The following SNX14 variants were observed in gnomAD, a reference collection of about 807,000 sequenced individuals.
The protein encoded by SNX14 is sorting nexin 14, also known as sorting nexin-14.
Under a neutral mutation model 133.8 loss-of-function variants are expected in SNX14, and 93 were observed. That is an observed-to-expected ratio of 0.70 (90% confidence interval 0.59 to 0.83). The LOEUF is 0.83. Among genes scored for constraint, SNX14 ranks in the 40% least tolerant of loss-of-function variants. The pLI is 0.00. For synonymous variants in SNX14, 368 were observed against 365.6 expected, an observed-to-expected ratio of 1.01 and a Z score of -0.07; for missense variants, 945 against 1,094.9, an observed-to-expected ratio of 0.86 and a Z score of 1.93.
chr6:85,582,781 T>G (rs972546560), intron 1 of SNX14, among the ~76,000 whole-genome samples: 1 of 152,160 alleles, frequency 6.6e-6, no homozygotes, highest in African/African-American at 2.4e-5. Flanking sequence ...CAGTAATTAA[T>G]AGCCTACCAA....
chr6:85,513,408 A>T (rs1027007142), intron 26 of SNX14, among the ~76,000 whole-genome samples: 3 of 152,324 alleles, frequency 2.0e-5, no homozygotes, highest in African/African-American at 7.2e-5. Context: ...CATTTTGCAT[A>T]GTGCCTGGAA....
In SNX14 at chr6:85,514,183, G is replaced by A. The variant is rs1241085782; in HGVS notation, c.2444C>T (p.Thr815Ile). Residue 815 changes from threonine to isoleucine, a missense_variant, in exon 25 of 29, where the codon ACT becomes ATT. Thr to Ile is a moderately conservative substitution (Grantham distance 89). Around this residue, in one of 3 missense-constraint regions of SNX14, gnomAD observed 412 missense variants for 516.6 expected, o/e 0.80. Coordinates refer to ENST00000314673, the MANE Select transcript of SNX14 (RefSeq NM_153816.6). ...PDWLHHLLMG[T>I]RILFKNTLEM... is the part of the protein sequence containing the mutation. ...CAGGGTGTTTTTAAAGAGGATTCGA[G>A]TTCCCATTAAGAGATGATGAAGCCA... 3.1e-6 allele frequency: 5 copies of A among 1,613,984 alleles called. No individual in the cohort carries two copies. The highest frequency in any genetic ancestry group is 1.1e-5 in the South Asian group (1 of 91,058).
intron 8 of SNX14, 86 bp from the exon 9 acceptor site, chr6:85,548,462 T>A (rs527353821): frequency 3.8e-6 from 4 of 1,041,390 alleles, no homozygotes; most frequent in African/African-American, 3.3e-5. Flanking sequence ...TACGTAAGGA[T>A]CTTGTTAAAA....
intron 6 of SNX14, among the ~76,000 whole-genome samples, chr6:85,562,350 G>T (rs1791920593): frequency 6.6e-6 from 1 of 152,006 alleles, no homozygotes; most frequent in Admixed American, 6.6e-5. Flanking sequence ...CAACTCATTT[G>T]CATTCCCACC....
In SNX14 at chr6:85,530,644, CAAAAAAA is replaced by C. The variant is rs761608276; in HGVS notation, c.1811-376_1811-370del. On this transcript the variant is annotated intron_variant, in intron 18 of 28. Transcript: ENST00000314673. ...TGGGCAACAGAGCGAGACTCTGTCT[CAAAAAAA>C]AAAAAAAAGAAAGAAAAAGAAAAAA... 9.7e-5 allele frequency among the ~76,000 whole-genome samples: 7 copies of C among 72,290 alleles called. No individual in the cohort carries two copies. The Admixed American group carries it at 1.1e-3, about 12-fold the overall frequency. The allele number at this position is 72,290 out of a possible 152,430, so 47.4% of individuals were successfully genotyped here.
intron 1 of SNX14, among the ~76,000 whole-genome samples, chr6:85,592,814 C>G (rs1803248468): frequency 6.8e-6 from 1 of 146,140 alleles, no homozygotes; most frequent in Non-Finnish European, 1.5e-5. Flanking sequence ...ACGGTGAAAC[C>G]CCGTCTCTAC....
At chr6:85,540,996 C>G (rs1456331606) in intron 15 of SNX14, among the ~76,000 whole-genome samples, 1 of 138,104 alleles carries the variant, frequency 7.2e-6, no homozygotes, top group African/African-American at 2.6e-5. Context: ...AGTTTCTTAA[C>G]TTTTTTTTTT....
chr6:85,570,513 C>T (rs917924428), intron 4 of SNX14, among the ~76,000 whole-genome samples: 9 of 152,028 alleles, frequency 5.9e-5, no homozygotes, highest in Non-Finnish European at 2.9e-5. Context: ...TTTTATTTAA[C>T]CCAACACATC....
intron 26 of SNX14, 65 bp from the exon 27 acceptor site, chr6:85,508,124 A>G: frequency 6.5e-7 from 1 of 1,532,988 alleles, no homozygotes; most frequent in Non-Finnish European, 8.8e-7. Context: ...TAACTGGATC[A>G]TAAAGCAAAA....
chr6:85,528,376 A>C lies in SNX14; in HGVS notation c.1895-14T>G. On this transcript the variant is annotated splice_polypyrimidine_tract_variant and intron_variant, in intron 19 of 28. Coordinates refer to ENST00000314673, the MANE Select transcript of SNX14 (RefSeq NM_153816.6). Reference sequence around the variant, plus strand: ...CAGGAAATGCACCTGAAATTAGTATATATTATAGTTATTACTGTGTTCTGC... The same window carrying C: ...CAGGAAATGCACCTGAAATTAGTATCTATTATAGTTATTACTGTGTTCTGC... 6.3e-7 allele frequency: 1 copy of C among 1,583,252 alleles called. No homozygotes were observed. The highest frequency in any genetic ancestry group is 8.6e-7 in the Non-Finnish European group (1 of 1,157,892).
At chr6:85,548,404 T>C (rs1306003271) in intron 8 of SNX14, 28 bp from the exon 9 acceptor site, 1 of 1,495,608 alleles carries the variant, frequency 6.7e-7, no homozygotes, top group Non-Finnish European at 9.1e-7. Context: ...AATAATTGTT[T>C]ATATTTAGTG....
In SNX14 at chr6:85,505,740, A is replaced by G. The variant is rs549743684; in HGVS notation, c.*227T>C. 5.3e-5 allele frequency: 26 copies of G among 493,786 alleles called. 1 individual carries two copies. In the East Asian group the frequency reaches 9.3e-4, roughly 18 times the overall value. The allele number at this position is 493,786 out of a possible 1,614,324, so 30.6% of individuals were successfully genotyped here. A position where few individuals can be genotyped will look rare whatever the true frequency, so the allele number is the denominator to read the frequency against. On this transcript the variant is annotated 3_prime_UTR_variant, in exon 29 of 29. Transcript: ENST00000314673. ...CTTTTAAAAATGGCAATAACAAGTG[A>G]CTTATGTTCTAATAAAATTTGGATC...
intron 23 of SNX14, among the ~76,000 whole-genome samples, chr6:85,516,632 C>CTT (rs746721196): frequency 2.3e-3 from 288 of 126,396 alleles, no homozygotes; most frequent in African/African-American, 4.8e-3. Context: ...CTTCCTTAAT[C>CTT]TTTTTTTTTT....
intron 1 of SNX14, chr6:85,588,899 C>T (rs1048062315): frequency 6.6e-6 from 3 of 455,456 alleles, no homozygotes; most frequent in Non-Finnish European, 1.3e-5. Flanking sequence ...AGGTCTTCAT[C>T]TTCATTGTCT....
intron 17 of SNX14, among the ~76,000 whole-genome samples, chr6:85,534,077 G>A (rs1781073953): frequency 6.6e-6 from 1 of 152,206 alleles, no homozygotes; most frequent in Non-Finnish European, 1.5e-5. Context: ...AGAAGCTGAG[G>A]TGGGAGGATT....
chr6:85,534,848 T>TA (rs35476328), intron 17 of SNX14, among the ~76,000 whole-genome samples: 10 of 150,332 alleles, frequency 6.7e-5, no homozygotes, highest in Non-Finnish European at 1.5e-4. Flanking sequence ...TTTTTTTTTT[T>TA]AAAGAAAATC....
chr6:85,549,909 A>C, intron 7 of SNX14, 30 bp from the exon 8 acceptor site: 2 of 1,559,728 alleles, frequency 1.3e-6, no homozygotes, highest in Non-Finnish European at 1.7e-6. Flanking sequence ...ATATTGAAAC[A>C]AGTTAAGTGA....
intron 1 of SNX14, among the ~76,000 whole-genome samples, chr6:85,578,443 G>T (rs562361326): frequency 6.6e-6 from 1 of 152,042 alleles, no homozygotes; most frequent in East Asian, 2.0e-4. Context: ...AAGGGAAGAG[G>T]GGGGTATCCT....
chr6:85,519,211 T>C (rs1001632834), intron 21 of SNX14, among the ~76,000 whole-genome samples: 2 of 152,190 alleles, frequency 1.3e-5, no homozygotes, highest in Non-Finnish European at 2.9e-5. Context: ...AAACACTAAA[T>C]ATTTTGACTC....
Sources: gnomAD v4.1 joint callset for allele counts (sites outside exome capture counted in the v4.1 genomes callset) on GRCh38, gnomAD v4.1.1 for gene constraint, gnomAD v4.1.1 regional missense constraint, MANE v1.5 for transcripts, NCBI Gene and HGNC (gene_info 2026-07-23, HGNC 2026-07-21) for gene names.